The following CLSTN2 variants were observed in gnomAD, a reference collection of about 807,000 sequenced individuals.
CLSTN2 encodes the protein calsyntenin-2.
In CLSTN2, 48 loss-of-function variants were observed where a neutral mutation model predicts 101.2. The observed-to-expected ratio is 0.47, with a 90% CI of 0.38 to 0.60. CLSTN2 has a LOEUF of 0.60. Ranked by LOEUF, CLSTN2 falls within the 20% of genes least tolerant of loss-of-function variation. The probability of loss-of-function intolerance (pLI) is 0.00; values close to 1 mark genes in which losing one functional copy is unlikely to be tolerated. For synonymous variants in CLSTN2, 481 were observed against 463.6 expected, an observed-to-expected ratio of 1.04 and a Z score of -0.48; for missense variants, 1,160 against 1,238.2, an observed-to-expected ratio of 0.94 and a Z score of 0.95.
At chr3:140,513,738 G>A (rs1934862945) in intron 8 of CLSTN2, among the ~76,000 whole-genome samples, 1 of 152,008 alleles carries the variant, frequency 6.6e-6, no homozygotes, top group South Asian at 2.1e-4. Flanking sequence ...ACCTCTGGTA[G>A]AATTTAGATG....
chr3:140,534,728 A>G (rs1255666263), intron 9 of CLSTN2, among the ~76,000 whole-genome samples: 1 of 152,240 alleles, frequency 6.6e-6, no homozygotes, highest in Non-Finnish European at 1.5e-5. Flanking sequence ...TATTGGCCAA[A>G]GCAAGTCAGA....
At chr3:140,134,144 T>C (rs1281114096) in intron 1 of CLSTN2, among the ~76,000 whole-genome samples, 2 of 152,086 alleles carry the variant, frequency 1.3e-5, no homozygotes, top group African/African-American at 4.8e-5. Context: ...TGGCTTGGAG[T>C]CCCAATTCCA....
At chr3:140,143,889 C>A (rs2009740561) in intron 1 of CLSTN2, among the ~76,000 whole-genome samples, 1 of 152,220 alleles carries the variant, frequency 6.6e-6, no homozygotes, top group Non-Finnish European at 1.5e-5. Context: ...TGCCTTTGTG[C>A]TGTCTGTCAG....
rs2086332991 is a variant in CLSTN2, at chr3:140,227,452, C to T, written c.232+51379C>T. On this transcript the variant is annotated intron_variant, in intron 2 of 16. Coordinates refer to ENST00000458420, the MANE Select transcript of CLSTN2 (RefSeq NM_022131.3). The stretch of plus-strand genomic sequence containing the variant: ...TGGCTTCACAGGGTACAGCTTCCCT[C>T]CCGGCTGTCCTCATGGGCTGGCATT... Among the ~76,000 whole-genome samples, 4 of 152,350 alleles carry T rather than the reference C, an allele frequency of 2.6e-5. No individual in the cohort carries two copies. The South Asian group carries it at 8.3e-4, about 32-fold the overall frequency.
At chr3:140,119,724 G>C (rs534674101) in intron 1 of CLSTN2, among the ~76,000 whole-genome samples, 1 of 152,240 alleles carries the variant, frequency 6.6e-6, no homozygotes, top group South Asian at 2.1e-4. Context: ...GCCCAGGCTG[G>C]TCTCAAATTC....
chr3:140,281,763 CGAGAGA>C (rs10548653), intron 2 of CLSTN2, among the ~76,000 whole-genome samples: 42 of 150,748 alleles, frequency 2.8e-4, no homozygotes, highest in African/African-American at 9.8e-4. Context: ...AGAGAGAGAG[CGAGAGA>C]GAGAGAGAGA....
chr3:140,183,396 CAT>C (rs757329844), intron 2 of CLSTN2, among the ~76,000 whole-genome samples: 2 of 152,242 alleles, frequency 1.3e-5, no homozygotes, highest in Admixed American at 6.5e-5. Flanking sequence ...TAACAGGAGA[CAT>C]GTGGAGTTTC....
At chr3:140,090,545 C>T (rs978862154) in intron 1 of CLSTN2, among the ~76,000 whole-genome samples, 3 of 152,070 alleles carry the variant, frequency 2.0e-5, no homozygotes, top group Non-Finnish European at 4.4e-5. Context: ...TTGCTTAATG[C>T]TGTCTAGTGT....
intron 1 of CLSTN2, among the ~76,000 whole-genome samples, chr3:139,978,648 TTGTGTGTGTGTG>T (rs552137591): frequency 0.17 from 23,558 of 135,330 alleles, 2,179 homozygotes; most frequent in South Asian, 0.24. Context: ...GGATGGGGGA[TTGTGTGTGTGTG>T]TGTGTGTGTG....
intron 2 of CLSTN2, among the ~76,000 whole-genome samples, chr3:140,212,549 A>G (rs113696726): frequency 0.028 from 4,321 of 152,274 alleles, 196 homozygotes; most frequent in African/African-American, 0.096. Flanking sequence ...GAGATTGCTT[A>G]GTCTCATTTG....
intron 8 of CLSTN2, among the ~76,000 whole-genome samples, chr3:140,475,306 C>T (rs1933957839): frequency 6.6e-6 from 1 of 152,194 alleles, no homozygotes; most frequent in African/African-American, 2.4e-5. Context: ...GAGCATATTG[C>T]ATACCTAACT....
rs767822311 is a variant in CLSTN2, at chr3:140,459,672, G to C, written c.1125G>C (p.Leu375=). Reference sequence around the variant, plus strand: ...CCGATGGGATTGTGCCCAAGAACCTGACCGATCAGTTCACCATCACCATGT... The same window carrying C: ...CCGATGGGATTGTGCCCAAGAACCTCACCGATCAGTTCACCATCACCATGT... ...KVPDGIVPKN[L]TDQFTITMWM... Residue 375 remains leucine (L), a synonymous_variant, in exon 7 of 17, where the codon CTG becomes CTC. Transcript: ENST00000458420. The C allele has an allele frequency of 6.2e-7, 1 of 1,614,106 alleles. No individual in the cohort carries two copies. The highest frequency in any genetic ancestry group is 8.5e-7 in the Non-Finnish European group (1 of 1,180,006).
At position 140,285,560 on chromosome 3, in the gene CLSTN2, A is replaced by G. The variant is rs1293209998; in HGVS notation, c.232+109487A>G. Among the ~76,000 whole-genome samples the G allele has an allele frequency of 2.0e-5, 3 of 152,164 alleles. No homozygotes were observed. The East Asian group carries it at 5.8e-4, about 29-fold the overall frequency. ...GCTGGCAGCAACAGGTGTCACTAGA[A>G]CAGTGGTTTTGAAATATGAGCCAGC... On this transcript the variant is annotated intron_variant, in intron 2 of 16. Coordinates refer to ENST00000458420, the MANE Select transcript of CLSTN2 (RefSeq NM_022131.3).
At chr3:139,971,039 T>C (rs1157457503) in intron 1 of CLSTN2, among the ~76,000 whole-genome samples, 1 of 152,212 alleles carries the variant, frequency 6.6e-6, no homozygotes, top group African/African-American at 2.4e-5. Context: ...GATTATGGTT[T>C]AGAATTATCA....
At chr3:140,542,518 C>A (rs144186856) in intron 9 of CLSTN2, among the ~76,000 whole-genome samples, 1 of 152,156 alleles carries the variant, frequency 6.6e-6, no homozygotes. Flanking sequence ...CCCATGCAGA[C>A]ACCCTAGATA....
chr3:140,154,218 G>A (rs1010109744), intron 1 of CLSTN2, among the ~76,000 whole-genome samples: 2 of 152,144 alleles, frequency 1.3e-5, no homozygotes, highest in African/African-American at 4.8e-5. Context: ...GGTCTGAGTG[G>A]AGAGTGAATG....
chr3:140,502,550 A>G (rs1934600629), intron 8 of CLSTN2, among the ~76,000 whole-genome samples: 1 of 152,222 alleles, frequency 6.6e-6, no homozygotes, highest in Admixed American at 6.5e-5. Context: ...GTTTGTCTAA[A>G]GTAATCGTGA....
At chr3:140,116,133 A>G (rs1187723458) in intron 1 of CLSTN2, among the ~76,000 whole-genome samples, 2 of 152,068 alleles carry the variant, frequency 1.3e-5, no homozygotes, top group South Asian at 4.2e-4. Context: ...GTGTTTCCCA[A>G]CCTTAGTCAT....
intron 1 of CLSTN2, among the ~76,000 whole-genome samples, chr3:140,051,678 T>A (rs1006276399): frequency 6.6e-6 from 1 of 152,200 alleles, no homozygotes; most frequent in Non-Finnish European, 1.5e-5. Context: ...TGGAATCACC[T>A]GGGAAGCCTC....
Sources: allele counts gnomAD v4.1 joint callset (sites outside exome capture counted in the v4.1 genomes callset), GRCh38; gene constraint gnomAD v4.1.1; transcripts MANE v1.5; gene names NCBI Gene and HGNC (gene_info 2026-07-23, HGNC 2026-07-21).